The following SUZ12 variants were observed in gnomAD, a reference collection of about 807,000 sequenced individuals.
SUZ12 encodes SUZ12 polycomb repressive complex 2 subunit.
A neutral mutation model predicts 87.3 loss-of-function variants in SUZ12; 17 were observed. That is an observed-to-expected ratio of 0.19 (90% confidence interval 0.13 to 0.29). The LOEUF is 0.29. SUZ12 is among the 10% of genes least tolerant of loss of function. The pLI is 1.00. For synonymous variants in SUZ12, 253 were observed against 312.4 expected (o/e 0.81, Z 2.01); for missense variants, 526 against 912.2 (o/e 0.58, Z 5.45).
In SUZ12 at chr17:31,985,144, G is replaced by A. The variant is rs370599529; in HGVS notation, c.1023+2040G>A. Among the ~76,000 whole-genome samples, 37 of 113,004 alleles carry A rather than the reference G, an allele frequency of 3.3e-4. No individual in the cohort carries two copies. The East Asian group carries it at 5.1e-3, about 16-fold the overall frequency. The allele number at this position is 113,004 out of a possible 152,430, so 74.1% of individuals were successfully genotyped here. A position where few individuals can be genotyped will look rare whatever the true frequency, so the allele number is the denominator to read the frequency against. On this transcript the variant is annotated intron_variant, in intron 9 of 15. Coordinates refer to ENST00000322652, the MANE Select transcript of SUZ12 (RefSeq NM_015355.4). ...ACTTCACTTTATCCGGGGAAACAGA[G>A]CAAGACTCTGTCTCAAAAAAAAAAA...
At chr17:31,944,330 G>T (rs1266239232) in intron 3 of SUZ12, among the ~76,000 whole-genome samples, 4 of 152,034 alleles carry the variant, frequency 2.6e-5, no homozygotes, top group African/African-American at 9.7e-5. Flanking sequence ...GTTTCTCCAT[G>T]TTGGTCAGGC....
rs1304404032 is a variant in SUZ12 at position 31,958,762 on chromosome 17, C to G, written c.456-7385C>G. On this transcript the variant is annotated intron_variant, in intron 4 of 15. Transcript: ENST00000322652. Reference sequence around the variant, plus strand: ...TCGGGAGGCTGAGGCAGGAGAATTGCTTAAACCTGGGAGGCAGAGGTTGCA... The same window carrying G: ...TCGGGAGGCTGAGGCAGGAGAATTGGTTAAACCTGGGAGGCAGAGGTTGCA... 2.0e-5 allele frequency among the ~76,000 whole-genome samples: 3 copies of G among 152,188 alleles called. No individual in the cohort carries two copies. In the East Asian group the frequency reaches 5.8e-4, roughly 29 times the overall value.
rs545441324 is a variant in SUZ12 at position 31,970,792 on chromosome 17, ACTCT to A, written c.506-2346_506-2343del. Among the ~76,000 whole-genome samples, 277 of 149,164 alleles carry A rather than the reference ACTCT, an allele frequency of 1.9e-3. 3 individuals are homozygous for A. Among genetic ancestry groups the A allele is most frequent in the African/African-American group, 6.3e-3 (257 of 40,562 alleles). ...ACTCTAGCCTGGGCAACAGAGCAAG[ACTCT>A]CTCTCTCAAAAAAAAAAAATAAAGA... On this transcript the variant is annotated intron_variant, in intron 5 of 15. Transcript: ENST00000322652.
At chr17:31,965,305 G>A (rs1348772728) in intron 4 of SUZ12, among the ~76,000 whole-genome samples, 2 of 152,110 alleles carry the variant, frequency 1.3e-5, no homozygotes, top group East Asian at 3.9e-4. Flanking sequence ...GTCACACTAT[G>A]GAAACTATGC....
At chr17:31,962,524 G>A (rs1397719246) in intron 4 of SUZ12, among the ~76,000 whole-genome samples, 5 of 152,178 alleles carry the variant, frequency 3.3e-5, no homozygotes, top group African/African-American at 1.2e-4. Flanking sequence ...CTGGAAATTG[G>A]AGGTTGCAGT....
intron 5 of SUZ12, among the ~76,000 whole-genome samples, chr17:31,971,100 A>G (rs752231415): frequency 1.2e-4 from 18 of 152,182 alleles, no homozygotes; most frequent in Non-Finnish European, 1.9e-4. Flanking sequence ...GATATTCTAG[A>G]TAGTAAATAA....
At chr17:31,939,264 C>T (rs1194426978) in intron 1 of SUZ12, among the ~76,000 whole-genome samples, 3 of 152,090 alleles carry the variant, frequency 2.0e-5, no homozygotes, top group Admixed American at 6.6e-5. Context: ...GTCCGAGATT[C>T]ATTTCAATAT....
intron 10 of SUZ12, among the ~76,000 whole-genome samples, chr17:31,992,124 T>C (rs1909750372): frequency 6.6e-6 from 1 of 151,602 alleles, no homozygotes; most frequent in South Asian, 2.1e-4. Flanking sequence ...AAACCCTGTC[T>C]CTACTAAAAT....
chr17:31,948,918 T>C (rs55978022), intron 4 of SUZ12, among the ~76,000 whole-genome samples: 15,106 of 152,246 alleles, frequency 0.099, 1,030 homozygotes, highest in Middle Eastern at 0.15. Context: ...CAGATTCTTG[T>C]CTGGTCACCC....
intron 6 of SUZ12, among the ~76,000 whole-genome samples, chr17:31,973,615 T>G (rs1156521602): frequency 5.9e-5 from 9 of 152,238 alleles, no homozygotes; most frequent in Non-Finnish European, 1.2e-4. Context: ...TTTGTAACAC[T>G]GCTCTCAGGC....
intron 3 of SUZ12, among the ~76,000 whole-genome samples, chr17:31,944,015 A>G (rs1906464906): frequency 6.6e-6 from 1 of 152,070 alleles, no homozygotes; most frequent in African/African-American, 2.4e-5. Context: ...TTTTTAATAT[A>G]GAAGGTCAGT....
intron 14 of SUZ12, 102 bp from the exon 15 acceptor site, chr17:31,996,696 A>C: frequency 2.8e-6 from 2 of 721,948 alleles, no homozygotes; most frequent in Non-Finnish European, 4.4e-6. Flanking sequence ...TTTGCTGTAT[A>C]AATATGTTGT....
At position 31,988,305 on chromosome 17, in the gene SUZ12, T is replaced by G; in HGVS notation, c.1024-15T>G. ...TATCTGAGTCTCCAGTCTTTGCATGTTTTTTATTTTTTAGAGGCTGCCTCC... is the reference window on the plus strand; with the variant it reads ...TATCTGAGTCTCCAGTCTTTGCATGGTTTTTATTTTTTAGAGGCTGCCTCC... On this transcript the variant is annotated splice_polypyrimidine_tract_variant and intron_variant, in intron 9 of 15. Transcript: ENST00000322652. The G allele has an allele frequency of 6.5e-7, 1 of 1,529,756 alleles. No homozygotes were observed. The highest frequency in any genetic ancestry group is 2.4e-5 in the East Asian group (1 of 41,556). 94.8% of individuals were successfully genotyped at this position (1,529,756 alleles called of 1,614,324 possible). A position where few individuals can be genotyped will look rare whatever the true frequency, so the allele number is the denominator to read the frequency against.
chr17:31,944,185 A>G (rs574008910), intron 3 of SUZ12, among the ~76,000 whole-genome samples: 7 of 151,700 alleles, frequency 4.6e-5, no homozygotes, highest in African/African-American at 7.3e-5. Flanking sequence ...CTGGAGTGCA[A>G]TGGTGCAATC....
At chr17:31,973,430 T>C (rs1042243735) in intron 6 of SUZ12, among the ~76,000 whole-genome samples, 199 bp downstream of exon 6, 2 of 152,134 alleles carry the variant, frequency 1.3e-5, no homozygotes, top group African/African-American at 4.8e-5. Flanking sequence ...TTTTAATAAG[T>C]GTCTGTACAA....
At chr17:31,994,430 C>A in intron 12 of SUZ12, 134 bp from the exon 13 acceptor site, 1 of 720,906 alleles carries the variant, frequency 1.4e-6, no homozygotes, top group Non-Finnish European at 2.0e-6. Context: ...TTCTGACTGC[C>A]TGTTTACCAT....
intron 3 of SUZ12, 41 bp downstream of exon 3, chr17:31,940,527 T>A: frequency 1.3e-6 from 2 of 1,509,972 alleles, no homozygotes; most frequent in South Asian, 1.3e-5. Flanking sequence ...TCAAACCATG[T>A]TAGTTTTATT....
At chr17:31,986,268 A>T (rs1909416373) in intron 9 of SUZ12, among the ~76,000 whole-genome samples, 1 of 152,120 alleles carries the variant, frequency 6.6e-6, no homozygotes, top group Non-Finnish European at 1.5e-5. Context: ...ACCCTGTAAA[A>T]TGGGCATCCT....
intron 3 of SUZ12, among the ~76,000 whole-genome samples, chr17:31,942,679 T>C (rs774584237): frequency 6.6e-6 from 1 of 152,118 alleles, no homozygotes; most frequent in South Asian, 2.1e-4. Context: ...TTGAAATCAA[T>C]AGGATGAAGG....
Sources: allele counts gnomAD v4.1 joint callset (sites outside exome capture counted in the v4.1 genomes callset), GRCh38; gene constraint gnomAD v4.1.1; transcripts MANE v1.5; gene names NCBI Gene and HGNC (gene_info 2026-07-23, HGNC 2026-07-21).